Variants in NAV1 observed in about 807,000 individuals in gnomAD.
The protein encoded by NAV1 is pore membrane and/or filament interacting like protein 3.
NAV1 carries 18 observed loss-of-function variants against 175.2 expected under a neutral mutation model. That is an observed-to-expected ratio of 0.10 (90% confidence interval 0.07 to 0.15). The LOEUF is 0.15. NAV1 is among the 10% of genes least tolerant of loss of function. NAV1 has a pLI of 1.00. For missense variants in NAV1, 1,731 were observed against 2,436.6 expected (o/e 0.71, Z 6.10); for synonymous variants, 897 against 978.7 (o/e 0.92, Z 1.56).
intron 1 of NAV1, among the ~76,000 whole-genome samples, chr1:201,569,504 T>G (rs1356678575): frequency 3.3e-5 from 5 of 152,232 alleles, no homozygotes; most frequent in African/African-American, 1.2e-4. Flanking sequence ...GATCCTTGCA[T>G]CCTTCATCTC....
In NAV1 at chr1:201,812,122, G is replaced by A; in HGVS notation, c.5024+148G>A. 1 of 807,654 alleles carries A rather than the reference G, an allele frequency of 1.2e-6. No homozygotes were observed. Among genetic ancestry groups the A allele is most frequent in the Non-Finnish European group, 2.0e-6 (1 of 491,256 alleles). The allele number at this position is 807,654 out of a possible 1,614,324, so 50.0% of individuals were successfully genotyped here. ...AATAGAAAGTAGATGTATTTGTCATGTCAGTTACAAGGTGGAGGAGGACAC... is the reference window on the plus strand; with the variant it reads ...AATAGAAAGTAGATGTATTTGTCATATCAGTTACAAGGTGGAGGAGGACAC... On this transcript the variant is annotated intron_variant, in intron 26 of 29. Coordinates refer to ENST00000367296, the Ensembl canonical transcript of NAV1. This position sits in a 1 kb window ranked among gnomAD's most constrained non-coding sequence, Gnocchi z 4.6.
intron 1 of NAV1, among the ~76,000 whole-genome samples, chr1:201,693,573 C>T (rs1042623530): frequency 6.6e-6 from 1 of 152,106 alleles, no homozygotes; most frequent in South Asian, 2.1e-4. Flanking sequence ...GAGAGGGGCT[C>T]AGAGATCAAA....
rs927390118 is a variant in NAV1 at position 201,569,095 on chromosome 1, C to A, written c.-143-19444C>A. Among the ~76,000 whole-genome samples the A allele has an allele frequency of 5.3e-5, 8 of 152,188 alleles. No individual in the cohort carries two copies. The South Asian group carries it at 1.7e-3, about 31-fold the overall frequency. On this transcript the variant is annotated intron_variant, in intron 1 of 33. Coordinates refer to the NAV1 transcript ENST00000685211. Reference sequence around the variant, plus strand: ...TCTGGGCAAACCCAGGCCACTCCCCCAGCCCCTAGAACTTCTGTTCAGAAC... The same window carrying A: ...TCTGGGCAAACCCAGGCCACTCCCCAAGCCCCTAGAACTTCTGTTCAGAAC...
In NAV1 at chr1:201,789,809, C is replaced by T. The variant is rs772257031; in HGVS notation, c.3219+17C>T. The T allele has an allele frequency of 6.8e-6, 11 of 1,610,500 alleles. No individual in the cohort carries two copies. The highest frequency in any genetic ancestry group is 1.7e-4 in the Middle Eastern group (1 of 6,054). On this transcript the variant is annotated intron_variant, in intron 11 of 29. Transcript: ENST00000367296. The stretch of plus-strand genomic sequence containing the variant: ...TACTCCTCAGTAAGAGCATTAACTT[C>T]TCTTCCCCTCTCATCCCCTCCCCTC...
chr1:201,692,994 G>T (rs975515850), intron 1 of NAV1, among the ~76,000 whole-genome samples: 17 of 152,330 alleles, frequency 1.1e-4, no homozygotes, highest in African/African-American at 3.6e-4. Context: ...GAGAGAGAAG[G>T]CTATAGGGTG....
intron 3 of NAV1, among the ~76,000 whole-genome samples, chr1:201,752,804 C>T (rs1303384254): frequency 1.3e-5 from 2 of 152,080 alleles, no homozygotes; most frequent in Non-Finnish European, 2.9e-5. Flanking sequence ...GCCAATTGTG[C>T]AAAGACATCC....
intron 17 of NAV1, among the ~76,000 whole-genome samples, chr1:201,804,833 CCTT>C (rs1240478319): frequency 6.6e-6 from 1 of 152,190 alleles, no homozygotes; most frequent in Non-Finnish European, 1.5e-5. Context: ...AGAAAATGAA[CCTT>C]CTTCTTTTTG....
At chr1:201,660,664 C>A (rs969664236) in intron 1 of NAV1, among the ~76,000 whole-genome samples, 1 of 152,250 alleles carries the variant, frequency 6.6e-6, no homozygotes, top group African/African-American at 2.4e-5. Flanking sequence ...AAATCAGCAA[C>A]AATAAGGACT....
At chr1:201,765,381 C>CTTT (rs59583786) in intron 3 of NAV1, among the ~76,000 whole-genome samples, 1,913 of 98,592 alleles carry the variant, frequency 0.019, 151 homozygotes, top group African/African-American at 0.066. Flanking sequence ...AGGAAATATT[C>CTTT]TTTTTTTTTT....
rs544320068 is a variant in NAV1 at position 201,736,392 on chromosome 1, C to T, written c.1226+17637C>T. On this transcript the variant is annotated intron_variant, in intron 3 of 29. Coordinates refer to ENST00000367296, the Ensembl canonical transcript of NAV1. ...ACACCAAACTGCTTCTCAAGTCTTTCCCTTTTTTTCTTACCCCATTCTAAC... is the reference window on the plus strand; with the variant it reads ...ACACCAAACTGCTTCTCAAGTCTTTTCCTTTTTTTCTTACCCCATTCTAAC... Among the ~76,000 whole-genome samples, 31 of 152,294 alleles carry T rather than the reference C, an allele frequency of 2.0e-4. 1 individual carries two copies. The highest frequency in any genetic ancestry group is 7.5e-4 in the African/African-American group (31 of 41,566).
intron 1 of NAV1, among the ~76,000 whole-genome samples, chr1:201,664,134 T>C (rs758092523): frequency 4.6e-5 from 7 of 152,210 alleles, no homozygotes; most frequent in Non-Finnish European, 7.4e-5. Flanking sequence ...ATCCTGATTC[T>C]GTTTGAGACC....
intron 1 of NAV1, among the ~76,000 whole-genome samples, chr1:201,703,378 A>G (rs1159468598): frequency 6.6e-6 from 1 of 152,200 alleles, no homozygotes; most frequent in African/African-American, 2.4e-5. Flanking sequence ...AGAAGACAGA[A>G]TATGTTCGAG....
chr1:201,574,989 G>A (rs1486028752), intron 1 of NAV1, among the ~76,000 whole-genome samples: 2 of 152,192 alleles, frequency 1.3e-5, no homozygotes, highest in Non-Finnish European at 2.9e-5. Flanking sequence ...GCTGCAAAGT[G>A]CCCAGGCCAT....
chr1:201,771,288 G>C (rs1675567703), intron 3 of NAV1, among the ~76,000 whole-genome samples: 1 of 149,782 alleles, frequency 6.7e-6, no homozygotes. Flanking sequence ...AAGCAGGCAG[G>C]TCACCTGAGG....
rs190907153 is a variant in NAV1, at chr1:201,576,082, G to A, written c.-143-12457G>A. Among the ~76,000 whole-genome samples, 97 of 152,196 alleles carry A rather than the reference G, an allele frequency of 6.4e-4. 1 individual carries two copies. The highest frequency in any genetic ancestry group is 1.9e-3 in the African/African-American group (80 of 41,504). On this transcript the variant is annotated intron_variant, in intron 1 of 33. Coordinates refer to the NAV1 transcript ENST00000685211. Reference sequence around the variant, plus strand: ...AATATCACTACCAGGATATTGGCCCGGCTGCTGTAAAGACACAGAACAGTC... The same window carrying A: ...AATATCACTACCAGGATATTGGCCCAGCTGCTGTAAAGACACAGAACAGTC...
At chr1:201,801,116 C>A (rs1384934467) in intron 15 of NAV1, among the ~76,000 whole-genome samples, 1 of 152,202 alleles carries the variant, frequency 6.6e-6, no homozygotes, top group Non-Finnish European at 1.5e-5. Context: ...GCATGAGCCA[C>A]CACACCCAGC....
chr1:201,772,007 GT>G (rs1384699281), intron 3 of NAV1, among the ~76,000 whole-genome samples: 1 of 152,206 alleles, frequency 6.6e-6, no homozygotes, highest in Non-Finnish European at 1.5e-5. Context: ...TTTTCCTGAA[GT>G]TATGCATTCT....
chr1:201,679,267 A>G (rs1174171696), intron 1 of NAV1, among the ~76,000 whole-genome samples: 1 of 152,110 alleles, frequency 6.6e-6, no homozygotes. Flanking sequence ...AGAACCAGAA[A>G]CCCTGGTCCT....
intron 1 of NAV1, among the ~76,000 whole-genome samples, chr1:201,550,796 G>T (rs1244168727): frequency 6.6e-6 from 1 of 152,242 alleles, no homozygotes; most frequent in Non-Finnish European, 1.5e-5. Flanking sequence ...CATGTGGGGT[G>T]GGTGGTCTAT....
Sources: allele counts gnomAD v4.1 joint callset (sites outside exome capture counted in the v4.1 genomes callset), GRCh38; gene constraint gnomAD v4.1.1; non-coding constraint Gnocchi (gnomAD v3.1); transcripts MANE v1.5; gene names NCBI Gene and HGNC (gene_info 2026-07-23, HGNC 2026-07-21).